The following CECR2 variants were observed in gnomAD, a reference collection of about 807,000 sequenced individuals.
The protein encoded by CECR2 is CECR2 histone acetyl-lysine reader.
CECR2 carries 30 observed loss-of-function variants against 154.5 expected under a neutral mutation model. That is an observed-to-expected ratio of 0.19 (90% confidence interval 0.15 to 0.26). The LOEUF is 0.26. CECR2 is among the 10% of genes least tolerant of loss of function. The pLI is 1.00. For missense variants in CECR2, 1,743 were observed against 1,829.3 expected (o/e 0.95, Z 0.86); for synonymous variants, 725 against 683.7 (o/e 1.06, Z -0.94).
At chr22:17,392,851 C>T (rs1035440789) in intron 1 of CECR2, among the ~76,000 whole-genome samples, 29 of 152,066 alleles carry the variant, frequency 1.9e-4, no homozygotes, top group African/African-American at 6.8e-4. Context: ...ACCAGCCTGG[C>T]CAACATGGTG....
intron 1 of CECR2, among the ~76,000 whole-genome samples, chr22:17,392,052 C>T (rs994907279): frequency 9.9e-5 from 15 of 152,172 alleles, no homozygotes; most frequent in African/African-American, 3.6e-4. Flanking sequence ...TCAGGTGATC[C>T]ACCTGCTTCG....
intron 1 of CECR2, among the ~76,000 whole-genome samples, chr22:17,361,833 C>T (rs1200791564): frequency 6.6e-6 from 1 of 151,694 alleles, no homozygotes; most frequent in Non-Finnish European, 1.5e-5. Context: ...ATTCCACAAG[C>T]ATTTATTATG....
At chr22:17,440,183 A>T (rs2054563489) in intron 1 of CECR2, among the ~76,000 whole-genome samples, 1 of 151,810 alleles carries the variant, frequency 6.6e-6, no homozygotes, top group African/African-American at 2.4e-5. Context: ...GAATAGTATG[A>T]TTGTTTTTTG....
chr22:17,544,067 A>G (rs949056209), intron 16 of CECR2, among the ~76,000 whole-genome samples: 1 of 152,138 alleles, frequency 6.6e-6, no homozygotes, highest in Non-Finnish European at 1.5e-5. Flanking sequence ...TCCTCTAAAA[A>G]AGTACTGTCA....
At chr22:17,472,566 A>AT (rs1344405942) in intron 1 of CECR2, among the ~76,000 whole-genome samples, 7 of 151,486 alleles carry the variant, frequency 4.6e-5, no homozygotes, top group Non-Finnish European at 8.8e-5. Context: ...AACAAACACG[A>AT]TTTTTTTTTC....
At chr22:17,408,871 C>CCTTA (rs2054024898) in intron 1 of CECR2, among the ~76,000 whole-genome samples, 1 of 152,178 alleles carries the variant, frequency 6.6e-6, no homozygotes, top group Non-Finnish European at 1.5e-5. Context: ...AGTCTAAGTC[C>CCTTA]CTTACCATTG....
At chr22:17,438,550 C>T (rs1048151645) in intron 1 of CECR2, among the ~76,000 whole-genome samples, 5 of 152,154 alleles carry the variant, frequency 3.3e-5, no homozygotes, top group Admixed American at 1.3e-4. Flanking sequence ...GCCCGCAGGC[C>T]GCCTGCAGCC....
intron 1 of CECR2, among the ~76,000 whole-genome samples, chr22:17,464,997 A>ATTTTTTT (rs71770620): frequency 7.1e-6 from 1 of 140,912 alleles, no homozygotes. Flanking sequence ...CAATATTTAA[A>ATTTTTTT]TTTTTTTTTT....
chr22:17,498,162 A>C (rs1250644812), intron 3 of CECR2, among the ~76,000 whole-genome samples: 1 of 152,160 alleles, frequency 6.6e-6, no homozygotes, highest in Non-Finnish European at 1.5e-5. Flanking sequence ...AGGCCAAGGC[A>C]GGCAGATCAC....
At chr22:17,396,242 C>CAA (rs543939674) in intron 1 of CECR2, among the ~76,000 whole-genome samples, 1,775 of 91,296 alleles carry the variant, frequency 0.019, 50 homozygotes, top group East Asian at 0.18. Flanking sequence ...GACCCTTTCT[C>CAA]AAAAAAAAAA....
intron 1 of CECR2, among the ~76,000 whole-genome samples, chr22:17,390,545 C>G (rs112153052): frequency 0.053 from 8,118 of 152,312 alleles, 349 homozygotes; most frequent in African/African-American, 0.13. Flanking sequence ...GTGATTACAT[C>G]ACAGTTGCCA....
In CECR2 at chr22:17,554,082, C is replaced by T. The variant is rs866470617; in HGVS notation, c.*1242C>T. The stretch of plus-strand genomic sequence containing the variant: ...ATCAAGAACAAGTTCTTGGAATTAT[C>T]TGTTGTATCTGTGATAGGAAACCAT... On this transcript the variant is annotated 3_prime_UTR_variant, in exon 19 of 19. Transcript: ENST00000262608. 1 of 152,122 alleles carries T rather than the reference C, an allele frequency of 6.6e-6. No individual in the cohort carries two copies. The highest frequency in any genetic ancestry group is 2.4e-5 in the African/African-American group (1 of 41,420). 9.4% of individuals were successfully genotyped at this position (152,122 alleles called of 1,614,324 possible).
In CECR2 at chr22:17,538,485, G is replaced by A. The variant is rs549250702; in HGVS notation, c.1239-35G>A. 4 of 1,600,136 alleles carry A rather than the reference G, an allele frequency of 2.5e-6. No homozygotes were observed. The South Asian group carries it at 4.4e-5, about 18-fold the overall frequency. ...GAGAGCTCAGGAGAGAAGGTGGTCAGAGTTACTATTAATTTCTTATTTTGT... is the reference window on the plus strand; with the variant it reads ...GAGAGCTCAGGAGAGAAGGTGGTCAAAGTTACTATTAATTTCTTATTTTGT... On this transcript the variant is annotated intron_variant, in intron 10 of 18. Transcript: ENST00000262608.
At chr22:17,415,083 T>C (rs1173870547) in intron 1 of CECR2, among the ~76,000 whole-genome samples, 3 of 152,226 alleles carry the variant, frequency 2.0e-5, no homozygotes, top group Non-Finnish European at 4.4e-5. Flanking sequence ...GCCATTCGTG[T>C]TGGTGCCTTC....
intron 1 of CECR2, among the ~76,000 whole-genome samples, chr22:17,375,924 C>T (rs1040285210): frequency 7.3e-5 from 11 of 151,108 alleles, no homozygotes; most frequent in African/African-American, 2.7e-4. Flanking sequence ...CATTGCACTC[C>T]AGCCTGGGCA....
intron 1 of CECR2, among the ~76,000 whole-genome samples, chr22:17,420,664 T>C (rs978446839): frequency 4.6e-5 from 7 of 152,182 alleles, no homozygotes; most frequent in Admixed American, 3.9e-4. Flanking sequence ...AAAATAAATA[T>C]AACTTTGTAT....
intron 1 of CECR2, among the ~76,000 whole-genome samples, chr22:17,393,840 G>A (rs1157873961): frequency 6.6e-6 from 1 of 151,774 alleles, no homozygotes; most frequent in Non-Finnish European, 1.5e-5. Flanking sequence ...TTTAAAAAAT[G>A]GGCTGTTTGT....
At chr22:17,517,888 T>C (rs1303054400) in intron 8 of CECR2, among the ~76,000 whole-genome samples, 1 of 152,218 alleles carries the variant, frequency 6.6e-6, no homozygotes, top group Admixed American at 6.5e-5. Flanking sequence ...TCTAGCTGAA[T>C]ATTTAAAACA....
In CECR2 at chr22:17,401,764, C is replaced by T. The variant is rs975525720; in HGVS notation, c.126+31855C>T. ...GTACCATTCTTTAGACACATGCCTC[C>T]GTTTCTCTTGGGTAAGTACCTGTAA... is the stretch of plus-strand genomic sequence containing the variant. On this transcript the variant is annotated intron_variant, in intron 1 of 18. Coordinates refer to ENST00000262608, the MANE Select transcript of CECR2 (RefSeq NM_001290047.2). Among the ~76,000 whole-genome samples, 4 of 152,006 alleles carry T rather than the reference C, an allele frequency of 2.6e-5. 1 individual carries two copies. The highest frequency in any genetic ancestry group is 2.1e-4 in the South Asian group (1 of 4,798).
Sources: gnomAD v4.1 joint callset for allele counts (sites outside exome capture counted in the v4.1 genomes callset) on GRCh38, gnomAD v4.1.1 for gene constraint, MANE v1.5 for transcripts, NCBI Gene and HGNC (gene_info 2026-07-23, HGNC 2026-07-21) for gene names.